Variants in ZFHX3 observed in about 807,000 individuals in gnomAD.
ZFHX3 encodes zinc finger homeobox 3, also known as zinc finger homeobox protein 3.
In ZFHX3, 42 loss-of-function variants were observed where a neutral mutation model predicts 279.1. That is an observed-to-expected ratio of 0.15 (90% CI 0.12 to 0.19). The LOEUF (loss-of-function observed/expected upper bound fraction) is 0.19, where lower values mean the gene tolerates loss of function less well. Among genes scored for constraint, ZFHX3 ranks in the 10% least tolerant of loss-of-function variants. The probability of loss-of-function intolerance (pLI) is 1.00; values close to 1 mark genes in which losing one functional copy is unlikely to be tolerated. For synonymous variants in ZFHX3, 2,293 were observed against 1,957.8 expected, an observed-to-expected ratio of 1.17 and a Z score of -4.52; for missense variants, 4,981 against 4,754.0, an observed-to-expected ratio of 1.05 and a Z score of -1.40.
At chr16:72,835,964 A>G (rs898842782) in intron 4 of ZFHX3, among the ~76,000 whole-genome samples, 2 of 152,214 alleles carry the variant, frequency 1.3e-5, no homozygotes, top group Non-Finnish European at 2.9e-5. Context: ...ATCAAATCCC[A>G]CAATATAAAA....
intron 1 of ZFHX3, among the ~76,000 whole-genome samples, chr16:73,776,298 A>G (rs1318997363): frequency 1.3e-5 from 2 of 152,164 alleles, no homozygotes; most frequent in African/African-American, 2.4e-5. Flanking sequence ...GTCTTTATGT[A>G]AAACAACAAC....
intron 4 of ZFHX3, among the ~76,000 whole-genome samples, chr16:73,317,239 A>T (rs943865075): frequency 8.7e-6 from 1 of 115,178 alleles, no homozygotes; most frequent in African/African-American, 3.4e-5. Context: ...TGAGACTTCC[A>T]TGTTCCAGGG....
intron 2 of ZFHX3, among the ~76,000 whole-genome samples, chr16:73,494,151 G>C (rs1016740956): frequency 2.0e-5 from 3 of 152,128 alleles, no homozygotes; most frequent in African/African-American, 7.2e-5. Flanking sequence ...CTTTGTGTCT[G>C]ATCAAGTTAT....
At chr16:73,118,516 T>C (rs1966458691) in intron 7 of ZFHX3, among the ~76,000 whole-genome samples, 1 of 150,058 alleles carries the variant, frequency 6.7e-6, no homozygotes, top group Non-Finnish European at 1.5e-5. Context: ...CCTATTTTTT[T>C]GTTCTTAGGA....
chr16:73,277,198 A>C (rs549423666), intron 4 of ZFHX3, among the ~76,000 whole-genome samples: 1 of 152,366 alleles, frequency 6.6e-6, no homozygotes, highest in South Asian at 2.1e-4. Context: ...GCATGATCTC[A>C]GCATTTTAAT....
At chr16:72,806,255 T>C (rs546259067) in intron 7 of ZFHX3, among the ~76,000 whole-genome samples, 6 of 152,304 alleles carry the variant, frequency 3.9e-5, no homozygotes, top group East Asian at 1.9e-4. Context: ...TTAACATTCA[T>C]GTAGGCTGGA....
At chr16:73,213,133 TGA>T (rs887274216) in intron 5 of ZFHX3, among the ~76,000 whole-genome samples, 3 of 152,128 alleles carry the variant, frequency 2.0e-5, no homozygotes, top group African/African-American at 7.2e-5. Context: ...AAAGGTATGA[TGA>T]GAGAGGGATT....
intron 1 of ZFHX3, among the ~76,000 whole-genome samples, chr16:73,824,572 C>G (rs1011054106): frequency 1.9e-5 from 2 of 106,950 alleles, no homozygotes; most frequent in African/African-American, 7.3e-5. Context: ...CCACCACAGT[C>G]CCCAGAGTGT....
chr16:73,118,717 TG>T (rs1158660577), intron 7 of ZFHX3, among the ~76,000 whole-genome samples: 6 of 152,234 alleles, frequency 3.9e-5, no homozygotes, highest in Non-Finnish European at 8.8e-5. Flanking sequence ...TCTGGGCTCT[TG>T]CATTTGAGTT....
chr16:73,786,443 T>C (rs189720374), intron 1 of ZFHX3, among the ~76,000 whole-genome samples: 1 of 152,284 alleles, frequency 6.6e-6, no homozygotes. Flanking sequence ...GTTGGTGGTC[T>C]CTGTGTTCAG....
At chr16:73,116,538 CTG>C (rs1415870503) in intron 7 of ZFHX3, among the ~76,000 whole-genome samples, 3 of 152,130 alleles carry the variant, frequency 2.0e-5, no homozygotes, top group Admixed American at 2.0e-4. Flanking sequence ...GAGGATGAAA[CTG>C]TCATTTTTTG....
chr16:72,928,282 G>A (rs927220919), intron 3 of ZFHX3, among the ~76,000 whole-genome samples: 1 of 148,536 alleles, frequency 6.7e-6, no homozygotes, highest in East Asian at 2.0e-4. Flanking sequence ...TAGGAGGTAG[G>A]AGAACAGGTC....
chr16:73,113,032 T>A (rs1369088327), intron 7 of ZFHX3, among the ~76,000 whole-genome samples: 1 of 151,834 alleles, frequency 6.6e-6, no homozygotes, highest in African/African-American at 2.4e-5. Context: ...TTCTTAGGGA[T>A]TTTCCCTAAG....
At chr16:73,079,306 CTTGAGGTCAGGAGTT>C in intron 8 of ZFHX3, among the ~76,000 whole-genome samples, 1 of 151,898 alleles carries the variant, frequency 6.6e-6, no homozygotes, top group Non-Finnish European at 1.5e-5. Flanking sequence ...GGGCAGATCA[CTTGAGGTCAGGAGTT>C]CAAGACCAGC....
At chr16:73,157,465 T>TTA (rs1346539597) in intron 5 of ZFHX3, among the ~76,000 whole-genome samples, 2 of 76,522 alleles carry the variant, frequency 2.6e-5, no homozygotes, top group Non-Finnish European at 4.7e-5. Flanking sequence ...GAATGTTTGG[T>TTA]AAAAAAAAAA....
At chr16:72,802,986 C>G (rs984021600) in intron 7 of ZFHX3, among the ~76,000 whole-genome samples, 6 of 152,130 alleles carry the variant, frequency 3.9e-5, no homozygotes, top group Admixed American at 1.3e-4. Context: ...GCATGGAATT[C>G]AGACTGTCCC....
At chr16:73,354,200 AT>A (rs944100067) in intron 3 of ZFHX3, among the ~76,000 whole-genome samples, 9 of 152,244 alleles carry the variant, frequency 5.9e-5, no homozygotes, top group African/African-American at 9.6e-5. Flanking sequence ...GCTAAAAAAA[AT>A]GTATCCATTT....
intron 1 of ZFHX3, among the ~76,000 whole-genome samples, chr16:73,776,056 G>C (rs1959236312): frequency 6.6e-6 from 1 of 152,202 alleles, no homozygotes; most frequent in African/African-American, 2.4e-5. Context: ...TAACAGACAA[G>C]AGAGGGTCAT....
At chr16:72,885,036 G>A (rs375422568) in intron 4 of ZFHX3, among the ~76,000 whole-genome samples, 13 of 152,242 alleles carry the variant, frequency 8.5e-5, no homozygotes, top group African/African-American at 3.1e-4. Context: ...ACCTCACCTG[G>A]TTAGTTACTG....
Sources: gnomAD v4.1 joint callset for allele counts (sites outside exome capture counted in the v4.1 genomes callset) on GRCh38, gnomAD v4.1.1 for gene constraint, MANE v1.5 for transcripts, NCBI Gene and HGNC (gene_info 2026-07-23, HGNC 2026-07-21) for gene names.